Variants in CAPN6 observed in about 807,000 individuals in gnomAD.
The protein encoded by CAPN6 is calpain-6.
A neutral mutation model predicts 46.0 loss-of-function variants in CAPN6; 16 were observed. That is an observed-to-expected ratio of 0.35 (90% CI 0.24 to 0.53). CAPN6 has a LOEUF of 0.53. Ranked by LOEUF, CAPN6 falls within the 20% of genes least tolerant of loss-of-function variation. The pLI is 0.94. For missense variants in CAPN6, 461 were observed against 498.0 expected, an observed-to-expected ratio of 0.93 and a Z score of 0.71; for synonymous variants, 206 against 172.8, an observed-to-expected ratio of 1.19 and a Z score of -1.51.
At chrX:111,248,803 C>T (rs1252043205) in intron 9 of CAPN6, 32 bp from the exon 10 acceptor site, 1 of 1,194,987 alleles carries the variant, frequency 8.4e-7, no homozygotes, top group South Asian at 1.8e-5. Flanking sequence ...ATATTCAATT[C>T]CACTCAAATC....
At chrX:111,258,511 A>G (rs2094985565) in intron 2 of CAPN6, among the ~76,000 whole-genome samples, 1 of 111,949 alleles carries the variant, frequency 8.9e-6, no homozygotes, top group East Asian at 2.8e-4. Context: ...TACTTAGAAA[A>G]TTGAACCATC....
rs2094973826 is a variant in CAPN6 at position 111,245,685 on chromosome X, CT to C, written c.*891del. On this transcript the variant is annotated 3_prime_UTR_variant, in exon 13 of 13. Transcript: ENST00000324068. ...AATATGTCTGGATGAATTCTCTCAT[CT>C]TTTAGGTGTGTATGGTACTTACTTA... 8.9e-6 allele frequency: 1 copy of C among 112,924 alleles called. No individual in the cohort carries two copies. The highest frequency in any genetic ancestry group is 1.9e-5 in the Non-Finnish European group (1 of 53,324). 9.3% of individuals were successfully genotyped at this position (112,924 alleles called of 1,213,427 possible). A position where few individuals can be genotyped will look rare whatever the true frequency, so the allele number is the denominator to read the frequency against.
chrX:111,254,204 T>C (rs1476271612), intron 3 of CAPN6, 68 bp downstream of exon 3: 2 of 1,113,891 alleles, frequency 1.8e-6, no homozygotes, highest in East Asian at 3.1e-5. Context: ...GCGCTGATTT[T>C]TTTCCTAAAG....
At position 111,252,373 on chromosome X, in the gene CAPN6, C is replaced by G; in HGVS notation, c.633G>C (p.Lys211Asn). The G allele has an allele frequency of 8.3e-7, 1 of 1,209,449 alleles. No individual in the cohort carries two copies. The highest frequency in any genetic ancestry group is 1.1e-6 in the Non-Finnish European group (1 of 893,592). The change falls in exon 5 of 13, where the codon AAG becomes AAC. Residue 211 changes from lysine (K) to asparagine (N), a missense_variant. Transcript: ENST00000324068. ...TGTACAGTTCTCCGAATAGCTTGTACTTCTCCTCAACAAGCTCAGTGTATC... is the reference window on the plus strand; with the variant it reads ...TGTACAGTTCTCCGAATAGCTTGTAGTTCTCCTCAACAAGCTCAGTGTATC... The part of the protein sequence containing the change: ...KGRYTELVEE[K>N]YKLFGELYKT...
At position 111,251,901 on chromosome X, in the gene CAPN6, A is replaced by G. The variant is rs17885793; in HGVS notation, c.700-159T>C. 0.046 allele frequency among the ~76,000 whole-genome samples: 5,167 copies of G among 112,177 alleles called. 137 individuals are homozygous for G. Among genetic ancestry groups the G allele is most frequent in the Middle Eastern group, 0.093 (20 of 216 alleles). ...CAACTTGAAACAAAAACAGTAGAGG[A>G]AAATAAATAAAGAATGTAATATAAC... On this transcript the variant is annotated intron_variant, in intron 5 of 12. Transcript: ENST00000324068.
intron 2 of CAPN6, among the ~76,000 whole-genome samples, chrX:111,261,296 A>G (rs1334298364): frequency 1.8e-5 from 2 of 112,613 alleles, no homozygotes; most frequent in Non-Finnish European, 3.7e-5. Context: ...TTAAAGACAC[A>G]GTTTCTTTTT....
intron 11 of CAPN6, 72 bp from the exon 12 acceptor site, chrX:111,247,576 C>T (rs1249768013): frequency 1.4e-5 from 15 of 1,061,434 alleles, no homozygotes; most frequent in Middle Eastern, 5.8e-4. Context: ...GAAGGTATCT[C>T]GCTAAGCCAA....
At chrX:111,257,031 G>A (rs1603408796) in intron 2 of CAPN6, among the ~76,000 whole-genome samples, 1 of 111,291 alleles carries the variant, frequency 9.0e-6, no homozygotes, top group East Asian at 2.8e-4. Flanking sequence ...TTCACATGAG[G>A]AAGCAAGCTC....
intron 1 of CAPN6, among the ~76,000 whole-genome samples, chrX:111,266,010 A>G (rs1032414386): frequency 9.0e-6 from 1 of 110,759 alleles, no homozygotes; most frequent in African/African-American, 3.3e-5. Flanking sequence ...ACATGGATAG[A>G]TTACAGCTTG....
intron 12 of CAPN6, 47 bp downstream of exon 12, chrX:111,247,321 T>C: frequency 9.3e-7 from 1 of 1,073,499 alleles, no homozygotes; most frequent in Non-Finnish European, 1.3e-6. Flanking sequence ...ATCTAGTATC[T>C]GGTACAAAGT....
At chrX:111,250,868 T>A (rs140330224) in intron 8 of CAPN6, 49 bp downstream of exon 8, 17 of 1,091,505 alleles carry the variant, frequency 1.6e-5, no homozygotes, top group Admixed American at 4.8e-5. Flanking sequence ...AAGATCTGAG[T>A]TCCTATTGAC....
At chrX:111,251,410 G>T in intron 6 of CAPN6, 124 bp from the exon 7 acceptor site, 1 of 911,293 alleles carries the variant, frequency 1.1e-6, no homozygotes, top group Non-Finnish European at 1.6e-6. Flanking sequence ...TTCATCTGCG[G>T]CTGGGTCACA....
Position 111,246,656 on chromosome X carries a change from T to C in CAPN6, c.1847A>G (p.Lys616Arg). ...RDLKSLYLRK[K>R]GGPTAKVKQG... is the part of the protein sequence containing the mutation. ...CTTGACTTTGGCAGTTGGACCACCCTTCTTACGCAGGTACAGAGACTTCAG... is the reference window on the plus strand; with the variant it reads ...CTTGACTTTGGCAGTTGGACCACCCCTCTTACGCAGGTACAGAGACTTCAG... The change falls in exon 13 of 13, where the codon AAG becomes AGG. Residue 616 changes from lysine (K) to arginine (R), a missense_variant. By Grantham distance (26) the Lys-to-Arg change is conservative (BLOSUM62 2). Transcript: ENST00000324068. 1.6e-5 allele frequency: 19 copies of C among 1,211,011 alleles called. No individual in the cohort carries two copies. Among genetic ancestry groups the C allele is most frequent in the Non-Finnish European group, 2.0e-5 (18 of 894,933 alleles).
rs1353056077 is a variant in CAPN6 at position 111,251,257 on chromosome X, G to A, written c.923C>T (p.Ser308Leu). 1 of 1,203,508 alleles carries A rather than the reference G, an allele frequency of 8.3e-7. No individual in the cohort carries two copies. Among genetic ancestry groups the A allele is most frequent in the Admixed American group, 2.2e-5 (1 of 45,157 alleles). The change falls in exon 7 of 13, where the codon TCA becomes TTA. Residue 308 changes from serine to leucine, a missense_variant. Coordinates refer to ENST00000324068, the MANE Select transcript of CAPN6 (RefSeq NM_014289.4). Reference sequence around the variant, plus strand: ...AACAAGCCCCAGGTTCTTGCGATCTGATGCAGTCAGTTGCTGCCACTCTTC... The same window carrying A: ...AACAAGCCCCAGGTTCTTGCGATCTAATGCAGTCAGTTGCTGCCACTCTTC... ...ISEEWQQLTA[S>L]DRKNLGLVMS...
At position 111,246,572 on chromosome X, in the gene CAPN6, C is replaced by A. The variant is rs2094974717; in HGVS notation, c.*5G>T. 8.3e-7 allele frequency: 1 copy of A among 1,202,751 alleles called. No individual in the cohort carries two copies. Among genetic ancestry groups the A allele is most frequent in the South Asian group, 1.8e-5 (1 of 55,542 alleles). ...GCTTTGTCAGGATTCTCTGGGATTG[C>A]AGATTTAGAGCTCAGTGAGATCATC... On this transcript the variant is annotated 3_prime_UTR_variant, in exon 13 of 13. Transcript: ENST00000324068.
chrX:111,269,514 T>A (rs2094994439), intron 1 of CAPN6, among the ~76,000 whole-genome samples: 1 of 112,208 alleles, frequency 8.9e-6, no homozygotes, highest in African/African-American at 3.2e-5. Context: ...TTGCTGAGTT[T>A]TCCTATGTGC....
intron 8 of CAPN6, 148 bp downstream of exon 8, chrX:111,250,769 A>C: frequency 1.8e-6 from 1 of 558,549 alleles, no homozygotes; most frequent in Non-Finnish European, 3.0e-6. Flanking sequence ...ACCTGAGACA[A>C]TCCGTAGGGA....
intron 8 of CAPN6, among the ~76,000 whole-genome samples, chrX:111,250,517 T>G (rs1356259457): frequency 9.0e-6 from 1 of 110,613 alleles, no homozygotes; most frequent in East Asian, 2.8e-4. Flanking sequence ...AGGAAGAATA[T>G]AGTAAATGTG....
At chrX:111,253,940 C>T (rs1025282066) in intron 3 of CAPN6, among the ~76,000 whole-genome samples, 21 of 111,378 alleles carry the variant, frequency 1.9e-4, no homozygotes, top group Non-Finnish European at 3.4e-4. Context: ...CTTTATACCC[C>T]AATAGGTACA....
Sources: allele counts gnomAD v4.1 joint callset (sites outside exome capture counted in the v4.1 genomes callset), GRCh38; gene constraint gnomAD v4.1.1; transcripts MANE v1.5; gene names NCBI Gene and HGNC (gene_info 2026-07-23, HGNC 2026-07-21).